MAN2A1: variants seen among roughly 807,000 people sequenced by gnomAD.
The protein encoded by MAN2A1 is mannosidase alpha class 2A member 1.
In MAN2A1, 76 loss-of-function variants were observed where a neutral mutation model predicts 142.6. That is an observed-to-expected ratio of 0.53 (90% CI 0.44 to 0.65). MAN2A1 has a LOEUF of 0.65. MAN2A1 is among the 30% of genes least tolerant of loss of function. MAN2A1 has a pLI of 0.00. For missense variants in MAN2A1, 1,311 were observed against 1,365.1 expected (o/e 0.96, Z 0.62); for synonymous variants, 559 against 473.2 (o/e 1.18, Z -2.35).
At chr5:109,777,878 G>C (rs918710934) in intron 8 of MAN2A1, among the ~76,000 whole-genome samples, 1 of 151,962 alleles carries the variant, frequency 6.6e-6, no homozygotes, top group Non-Finnish European at 1.5e-5. Flanking sequence ...TTTGTGTGTG[G>C]GTCTGTGTCT....
At chr5:109,709,797 C>G (rs1561471493) in intron 1 of MAN2A1, among the ~76,000 whole-genome samples, 3 of 152,082 alleles carry the variant, frequency 2.0e-5, no homozygotes, top group Admixed American at 6.5e-5. Context: ...CTGTGGCCTC[C>G]CTGTAGAACT....
intron 5 of MAN2A1, among the ~76,000 whole-genome samples, chr5:109,765,170 C>A (rs1480897642): frequency 1.3e-5 from 2 of 152,104 alleles, no homozygotes; most frequent in African/African-American, 2.4e-5. Flanking sequence ...CTTTTCCCCC[C>A]ACCCAGTCAA....
At chr5:109,851,876 T>C (rs1217432039) in intron 19 of MAN2A1, among the ~76,000 whole-genome samples, 2 of 152,054 alleles carry the variant, frequency 1.3e-5, no homozygotes, top group Non-Finnish European at 2.9e-5. Context: ...TAAATACTTA[T>C]ATGGTTTAGA....
At chr5:109,708,120 G>A (rs532899139) in intron 1 of MAN2A1, among the ~76,000 whole-genome samples, 1 of 152,212 alleles carries the variant, frequency 6.6e-6, no homozygotes, top group South Asian at 2.1e-4. Context: ...GAGAGAAGGA[G>A]CCAGCAAAGG....
intron 3 of MAN2A1, among the ~76,000 whole-genome samples, chr5:109,725,322 C>T (rs1302220208): frequency 6.6e-6 from 1 of 152,154 alleles, no homozygotes; most frequent in Non-Finnish European, 1.5e-5. Context: ...TGGGGCAGGC[C>T]AGCTGCCTTC....
chr5:109,817,178 GTATATGTA>G, intron 12 of MAN2A1, 87 bp from the exon 13 acceptor site: 5 of 222,040 alleles, frequency 2.3e-5, no homozygotes, highest in Non-Finnish European at 1.2e-5. Flanking sequence ...AAATATATAT[GTATATGTA>G]TATGTATATG....
intron 2 of MAN2A1, among the ~76,000 whole-genome samples, 167 bp downstream of exon 2, chr5:109,713,941 T>G (rs1427653924): frequency 3.3e-5 from 5 of 152,192 alleles, no homozygotes; most frequent in African/African-American, 1.2e-4. Context: ...ATGTTCTGTT[T>G]AGTGATAAAA....
At chr5:109,856,327 G>C (rs1755604723) in intron 20 of MAN2A1, among the ~76,000 whole-genome samples, 1 of 152,138 alleles carries the variant, frequency 6.6e-6, no homozygotes, top group Admixed American at 6.5e-5. Context: ...CAAGGCAGTG[G>C]TTTTGGCACC....
intron 17 of MAN2A1, among the ~76,000 whole-genome samples, chr5:109,844,312 G>A (rs1755292364): frequency 6.6e-6 from 1 of 152,098 alleles, no homozygotes; most frequent in East Asian, 1.9e-4. Flanking sequence ...TTAAGCTTTG[G>A]ATATAGTAGT....
rs541610467 is a variant in MAN2A1 at position 109,709,489 on chromosome 5, A to G, written c.136-4031A>G. ...ACACAGTTTTCCAGGAAGGCAGGAGAAGATACACAGATTCAGCCATGCTGG... is the reference window on the plus strand; with the variant it reads ...ACACAGTTTTCCAGGAAGGCAGGAGGAGATACACAGATTCAGCCATGCTGG... On this transcript the variant is annotated intron_variant, in intron 1 of 21. Transcript: ENST00000261483. 3.3e-4 allele frequency among the ~76,000 whole-genome samples: 50 copies of G among 152,324 alleles called. 1 individual carries two copies. In the South Asian group the frequency reaches 0.01, roughly 31 times the overall value.
At chr5:109,726,809 T>C (rs1050718135) in intron 3 of MAN2A1, among the ~76,000 whole-genome samples, 2 of 152,216 alleles carry the variant, frequency 1.3e-5, no homozygotes, top group African/African-American at 4.8e-5. Flanking sequence ...AGTTTTATTA[T>C]CAAATTAATT....
In MAN2A1 at chr5:109,869,524, A is replaced by G. The variant is rs1468886974; in HGVS notation, c.*2526A>G. On this transcript the variant is annotated 3_prime_UTR_variant, in exon 22 of 22. Coordinates refer to ENST00000261483, the MANE Select transcript of MAN2A1 (RefSeq NM_002372.4). The stretch of plus-strand genomic sequence containing the variant: ...TGCTTTCATTTTGATCATTTTGTTC[A>G]CCTTGGAATCAACAGGTTTTGATAT... The G allele has an allele frequency of 6.6e-6, 1 of 152,086 alleles. No homozygotes were observed. Among genetic ancestry groups the G allele is most frequent in the Non-Finnish European group, 1.5e-5 (1 of 68,016 alleles). 9.4% of individuals were successfully genotyped at this position (152,086 alleles called of 1,614,324 possible). A position where few individuals can be genotyped will look rare whatever the true frequency, so the allele number is the denominator to read the frequency against.
At chr5:109,709,784 A>G (rs910354530) in intron 1 of MAN2A1, among the ~76,000 whole-genome samples, 4 of 152,146 alleles carry the variant, frequency 2.6e-5, no homozygotes, top group African/African-American at 9.7e-5. Flanking sequence ...GAGCGGTGCA[A>G]TGCTGTGGCC....
chr5:109,735,302 C>A (rs1478549203), intron 4 of MAN2A1, among the ~76,000 whole-genome samples: 1 of 152,140 alleles, frequency 6.6e-6, no homozygotes, highest in African/African-American at 2.4e-5. Context: ...ATACAGCACA[C>A]TGATGGGTCT....
At chr5:109,752,485 C>T (rs989105399) in intron 4 of MAN2A1, among the ~76,000 whole-genome samples, 3 of 152,304 alleles carry the variant, frequency 2.0e-5, no homozygotes, top group East Asian at 3.9e-4. Context: ...TCCATGCTCT[C>T]TTGGAGCTTA....
At chr5:109,829,816 C>T (rs763246728) in intron 16 of MAN2A1, among the ~76,000 whole-genome samples, 1 of 152,106 alleles carries the variant, frequency 6.6e-6, no homozygotes, top group Non-Finnish European at 1.5e-5. Context: ...ATTGTTAGTT[C>T]TCTTCAGTTA....
chr5:109,714,793 G>GCT (rs1489709024), intron 2 of MAN2A1, among the ~76,000 whole-genome samples: 1 of 152,220 alleles, frequency 6.6e-6, no homozygotes, highest in East Asian at 1.9e-4. Flanking sequence ...CACAGGCCAA[G>GCT]CTGGAAGCTG....
rs190251557 is a variant in MAN2A1, at chr5:109,689,998, G to C, written c.-420G>C. 2,368 of 177,700 alleles carry C rather than the reference G, an allele frequency of 0.013. 21 individuals are homozygous for C. The highest frequency in any genetic ancestry group is 0.02 in the Non-Finnish European group (1,625 of 83,280). 11.0% of individuals were successfully genotyped at this position (177,700 alleles called of 1,614,324 possible). A position where few individuals can be genotyped will look rare whatever the true frequency, so the allele number is the denominator to read the frequency against. On this transcript the variant is annotated 5_prime_UTR_variant, in exon 1 of 22. Transcript: ENST00000261483. ...GAGCTGCCGAACCCGCGCCTCCCCT[G>C]GGTGAGGAGGACACGCCTGCCCTCG... is the stretch of plus-strand genomic sequence containing the variant.
At chr5:109,732,320 C>G (rs983702361) in intron 4 of MAN2A1, among the ~76,000 whole-genome samples, 6 of 151,906 alleles carry the variant, frequency 3.9e-5, no homozygotes, top group Non-Finnish European at 7.4e-5. Context: ...GTTGCCTGTT[C>G]ACTCTGATGG....
Sources: gnomAD v4.1 joint callset for allele counts (sites outside exome capture counted in the v4.1 genomes callset) on GRCh38, gnomAD v4.1.1 for gene constraint, MANE v1.5 for transcripts, NCBI Gene and HGNC (gene_info 2026-07-23, HGNC 2026-07-21) for gene names.